TAF8: variants seen among roughly 807,000 people sequenced by gnomAD.
TAF8 encodes the protein TATA-box binding protein associated factor 8, also known as transcription initiation factor TFIID subunit 8.
In TAF8, 47 loss-of-function variants were observed where a neutral mutation model predicts 36.5. The ratio of observed to expected loss-of-function variants is 1.29; its 90% CI spans 1.02 to 1.64. The LOEUF (loss-of-function observed/expected upper bound fraction) is 1.64, where lower values mean the gene tolerates loss of function less well. Ranked by LOEUF, TAF8 falls within the 40% of genes most tolerant of loss-of-function variation. The pLI is 0.00. For synonymous variants in TAF8, 175 were observed against 159.5 expected, an observed-to-expected ratio of 1.10 and a Z score of -0.73; for missense variants, 420 against 407.6, an observed-to-expected ratio of 1.03 and a Z score of -0.26.
intron 5 of TAF8, among the ~76,000 whole-genome samples, chr6:42,058,075 A>G (rs1437164457): frequency 6.6e-6 from 1 of 152,184 alleles, no homozygotes; most frequent in Admixed American, 6.5e-5. Flanking sequence ...AATTGGGGGA[A>G]AAGTTACTTT....
intron 2 of TAF8, among the ~76,000 whole-genome samples, chr6:42,055,081 G>A (rs1309867416): frequency 2.0e-5 from 3 of 151,832 alleles, no homozygotes; most frequent in African/African-American, 2.4e-5. Flanking sequence ...CTACCACCAG[G>A]CCTGGCTAAT....
chr6:42,068,218 A>C (rs1441101866), intron 6 of TAF8, among the ~76,000 whole-genome samples: 4 of 152,202 alleles, frequency 2.6e-5, no homozygotes, highest in African/African-American at 9.7e-5. Flanking sequence ...TGCCATTTTT[A>C]GCATGCTTGG....
intron 2 of TAF8, among the ~76,000 whole-genome samples, chr6:42,053,897 A>G: frequency 6.6e-6 from 1 of 152,180 alleles, no homozygotes; most frequent in Non-Finnish European, 1.5e-5. Context: ...TTTAAAAGTC[A>G]TGTCTAGAGG....
Position 42,055,981 on chromosome 6 carries a change from G to A in TAF8, c.331G>A (p.Ala111Thr), listed in dbSNP as rs751865496. Residue 111 changes from alanine (A) to threonine (T), a missense_variant, in exon 4 of 9, where the codon GCA (alanine) becomes ACA (threonine). Transcript: ENST00000372977. ...GFNVDTLPAY[A>T]KRSQRMVITA... Reference sequence around the variant, plus strand: ...CAATGTGGACACTCTCCCTGCTTATGCAAAACGGTCTCAGAGGATGGTCAT... The same window carrying A: ...CAATGTGGACACTCTCCCTGCTTATACAAAACGGTCTCAGAGGATGGTCAT... The A allele has an allele frequency of 1.2e-6, 2 of 1,613,598 alleles. No homozygotes were observed. The highest frequency in any genetic ancestry group is 2.2e-5 in the South Asian group (2 of 91,080).
intron 6 of TAF8, 105 bp from the exon 7 acceptor site, chr6:42,068,360 T>G: frequency 7.7e-7 from 1 of 1,291,946 alleles, no homozygotes; most frequent in South Asian, 1.3e-5. Context: ...TTAGCTAGTA[T>G]TATCTTCTGG....
chr6:42,055,615 C>G lies in TAF8; in HGVS notation c.287C>G (p.Thr96Arg). The G allele has an allele frequency of 6.2e-7, 1 of 1,614,010 alleles. No individual in the cohort carries two copies. Among genetic ancestry groups the G allele is most frequent in the Non-Finnish European group, 8.5e-7 (1 of 1,179,868 alleles). Reference sequence around the variant, plus strand: ...CCCACACTGTCCGATATCGTGGTCACACTTGTTGAGATGGGTGAGTATACC... The same window carrying G: ...CCCACACTGTCCGATATCGTGGTCAGACTTGTTGAGATGGGTGAGTATACC... ...TQPTLSDIVV[T>R]LVEMGFNVDT... Residue 96 changes from threonine to arginine, a missense_variant, in exon 3 of 9, where the codon ACA (threonine) becomes AGA (arginine). Coordinates refer to ENST00000372977, the MANE Select transcript of TAF8 (RefSeq NM_138572.3).
At position 42,078,409 on chromosome 6, in the gene TAF8, A is replaced by T. The variant is rs1447971228; in HGVS notation, c.*864A>T. The T allele has an allele frequency of 1.0e-6, 1 of 985,322 alleles. No individual in the cohort carries two copies. Among genetic ancestry groups the T allele is most frequent in the African/African-American group, 1.7e-5 (1 of 57,228 alleles). 61.0% of individuals were successfully genotyped at this position (985,322 alleles called of 1,614,324 possible). The stretch of plus-strand genomic sequence containing the variant: ...CTTTTATTGACTCACAATTTGTGGC[A>T]CCACTTTCTCATCCCAGAACTTCAT... On this transcript the variant is annotated 3_prime_UTR_variant, in exon 9 of 9. Transcript: ENST00000372977.
At chr6:42,069,743 C>T (rs1765494189) in intron 7 of TAF8, among the ~76,000 whole-genome samples, 1 of 152,098 alleles carries the variant, frequency 6.6e-6, no homozygotes, top group Admixed American at 6.6e-5. Context: ...GAGCCAGCAG[C>T]CTGTAGGTCG....
chr6:42,055,972 C>G lies in TAF8; in HGVS notation c.322C>G (p.Pro108Ala). 1 of 1,613,258 alleles carries G rather than the reference C, an allele frequency of 6.2e-7. No individual in the cohort carries two copies. Among genetic ancestry groups the G allele is most frequent in the African/African-American group, 1.3e-5 (1 of 75,034 alleles). ...VEMGFNVDTL[P>A]AYAKRSQRMV... ...CTTAGGTTTCAATGTGGACACTCTCCCTGCTTATGCAAAACGGTCTCAGAG... is the reference window on the plus strand; with the variant it reads ...CTTAGGTTTCAATGTGGACACTCTCGCTGCTTATGCAAAACGGTCTCAGAG... Residue 108 changes from proline (P) to alanine (A), a missense_variant, in exon 4 of 9, where the codon CCT becomes GCT. Pro to Ala is a conservative substitution (Grantham distance 27). Transcript: ENST00000372977.
At chr6:42,076,360 G>A (rs1447637342) in intron 7 of TAF8, among the ~76,000 whole-genome samples, 5 of 151,678 alleles carry the variant, frequency 3.3e-5, no homozygotes, top group Non-Finnish European at 5.9e-5. Flanking sequence ...TGAAGCAGGA[G>A]AATTGCTTGA....
chr6:42,051,441 T>G lies in TAF8; in HGVS notation c.130T>G (p.Leu44Val), dbSNP rs781717709. The part of the protein sequence containing the change: ...RRTLQVVVSS[L>V]LTEAGFESAE... ...AACCCTGCAGGTGGTTGTGAGCTCC[T>G]TGCTGACAGAGGCAGGGTTTGAGAG... The change falls in exon 2 of 9, where the codon TTG becomes GTG. Residue 44 changes from leucine (L) to valine (V), a missense_variant. Physicochemically the swap from Leu to Val is conservative, Grantham distance 32 (BLOSUM62 1). Coordinates refer to ENST00000372977, the MANE Select transcript of TAF8 (RefSeq NM_138572.3). 1.2e-6 allele frequency: 2 copies of G among 1,614,122 alleles called. No homozygotes were observed.
chr6:42,070,152 G>A (rs1201446472), intron 7 of TAF8, among the ~76,000 whole-genome samples: 1 of 152,008 alleles, frequency 6.6e-6, no homozygotes, highest in African/African-American at 2.4e-5. Flanking sequence ...GTCCCTTATA[G>A]CAGCCACTAG....
chr6:42,066,068 T>G (rs1765350896), intron 5 of TAF8, among the ~76,000 whole-genome samples: 1 of 152,120 alleles, frequency 6.6e-6, no homozygotes, highest in African/African-American at 2.4e-5. Flanking sequence ...ACCCAGCTAA[T>G]TTTTGTATTT....
In TAF8 at chr6:42,055,988, G is replaced by A; in HGVS notation, c.338G>A (p.Arg113Gln). 1.9e-6 allele frequency: 3 copies of A among 1,613,430 alleles called. No homozygotes were observed. Among genetic ancestry groups the A allele is most frequent in the Non-Finnish European group, 2.5e-6 (3 of 1,179,426 alleles). ...GACACTCTCCCTGCTTATGCAAAACGGTCTCAGAGGATGGTCATCACTGCT... is the reference window on the plus strand; with the variant it reads ...GACACTCTCCCTGCTTATGCAAAACAGTCTCAGAGGATGGTCATCACTGCT... ...NVDTLPAYAK[R>Q]SQRMVITAPP... The change falls in exon 4 of 9, where the codon CGG (arginine) becomes CAG (glutamine). Residue 113 changes from arginine (R) to glutamine (Q), a missense_variant. By Grantham distance (43) the Arg-to-Gln change is conservative (BLOSUM62 1). Coordinates refer to ENST00000372977, the MANE Select transcript of TAF8 (RefSeq NM_138572.3).
chr6:42,051,737 G>A, intron 2 of TAF8: 1 of 336,634 alleles, frequency 3.0e-6, no homozygotes, highest in East Asian at 5.9e-5. Context: ...GAGGCGGGTG[G>A]ATCACCTGAA....
At chr6:42,062,734 G>A (rs1411457354) in intron 5 of TAF8, among the ~76,000 whole-genome samples, 2 of 151,302 alleles carry the variant, frequency 1.3e-5, no homozygotes, top group Non-Finnish European at 2.9e-5. Context: ...TAGAGATGGG[G>A]TTTCACCATA....
chr6:42,057,530 T>G lies in TAF8; in HGVS notation c.489+17T>G. 6.2e-7 allele frequency: 1 copy of G among 1,614,026 alleles called. No individual in the cohort carries two copies. Among genetic ancestry groups the G allele is most frequent in the Non-Finnish European group, 8.5e-7 (1 of 1,179,958 alleles). ...AAAACTCCGGTGAGTGATGAAGCAC[T>G]GGGACTGCGCGTGGTGTAAAGCACG... On this transcript the variant is annotated intron_variant, in intron 5 of 8. Transcript: ENST00000372977.
intron 7 of TAF8, among the ~76,000 whole-genome samples, chr6:42,069,688 T>C (rs770852604): frequency 1.3e-5 from 2 of 152,110 alleles, no homozygotes; most frequent in Non-Finnish European, 2.9e-5. Flanking sequence ...ATTGGATATA[T>C]AATTGGAGTT....
At chr6:42,086,201 TC>T (rs1766022232), downstream of TAF8, among the ~76,000 whole-genome samples, 1 of 152,238 alleles carries the variant, frequency 6.6e-6, no homozygotes, top group African/African-American at 2.4e-5. Flanking sequence ...CCAAATGCTC[TC>T]CATAGAGGCC....
Sources: allele counts gnomAD v4.1 joint callset (sites outside exome capture counted in the v4.1 genomes callset), GRCh38; gene constraint gnomAD v4.1.1; transcripts MANE v1.5; gene names NCBI Gene and HGNC (gene_info 2026-07-23, HGNC 2026-07-21).